The following EML4 variants were observed in gnomAD, a reference collection of about 807,000 sequenced individuals.
EML4 encodes echinoderm microtubule-associated protein-like 4.
Under a neutral mutation model 129.0 loss-of-function variants are expected in EML4, and 72 were observed. The observed-to-expected ratio is 0.56, with a 90% CI of 0.46 to 0.68. EML4 has a LOEUF of 0.68. Among genes scored for constraint, EML4 ranks in the 30% least tolerant of loss-of-function variants. The pLI is 0.00. For synonymous variants in EML4, 532 were observed against 405.0 expected, an observed-to-expected ratio of 1.31 and a Z score of -3.77; for missense variants, 1,363 against 1,190.6, an observed-to-expected ratio of 1.14 and a Z score of -2.13.
At chr2:42,213,734 A>G (rs993804620) in intron 1 of EML4, among the ~76,000 whole-genome samples, 1 of 152,232 alleles carries the variant, frequency 6.6e-6, no homozygotes, top group African/African-American at 2.4e-5. Flanking sequence ...GGAAAAAATA[A>G]TGGCAATAAT....
intron 1 of EML4, among the ~76,000 whole-genome samples, chr2:42,241,127 A>G (rs573976378): frequency 6.6e-6 from 1 of 152,252 alleles, no homozygotes; most frequent in South Asian, 2.1e-4. Flanking sequence ...ACTGCACTCC[A>G]GCCTGGTCGA....
intron 11 of EML4, among the ~76,000 whole-genome samples, chr2:42,294,155 T>C (rs1667814585): frequency 6.6e-6 from 1 of 152,236 alleles, no homozygotes; most frequent in African/African-American, 2.4e-5. Flanking sequence ...TATCCTCAAT[T>C]GAAATCATTT....
chr2:42,322,385 C>T (rs1400584638), intron 19 of EML4, among the ~76,000 whole-genome samples: 1 of 152,196 alleles, frequency 6.6e-6, no homozygotes, highest in African/African-American at 2.4e-5. Context: ...CAGAAAGTTC[C>T]ACTGAACAGC....
intron 3 of EML4, among the ~76,000 whole-genome samples, chr2:42,260,430 T>A (rs2104379302): frequency 6.6e-6 from 1 of 152,288 alleles, no homozygotes; most frequent in African/African-American, 2.4e-5. Flanking sequence ...CCTCCCAAAG[T>A]GCTTGGATTA....
At chr2:42,288,175 A>G in intron 10 of EML4, 52 bp from the exon 11 acceptor site, 2 of 760,436 alleles carry the variant, frequency 2.6e-6, no homozygotes, top group Non-Finnish European at 4.4e-6. Flanking sequence ...CTTTCTTAGA[A>G]TGTTAGCCCT....
At chr2:42,177,468 A>G (rs1018413688) in intron 1 of EML4, among the ~76,000 whole-genome samples, 1 of 151,994 alleles carries the variant, frequency 6.6e-6, no homozygotes, top group Non-Finnish European at 1.5e-5. Context: ...CAAAAGTACA[A>G]AAAAATTAGC....
intron 19 of EML4, among the ~76,000 whole-genome samples, chr2:42,321,592 A>C (rs189892780): frequency 1.5e-3 from 225 of 151,814 alleles, no homozygotes; most frequent in African/African-American, 5.3e-3. Flanking sequence ...ACAAAAGAGC[A>C]CTCCTTCCAC....
At chr2:42,205,413 A>G (rs1220595004) in intron 1 of EML4, among the ~76,000 whole-genome samples, 1 of 152,176 alleles carries the variant, frequency 6.6e-6, no homozygotes, top group Admixed American at 6.5e-5. Flanking sequence ...AAAGAGATAT[A>G]CTCTAAAAGT....
At chr2:42,249,514 G>T (rs1331398284) in intron 2 of EML4, among the ~76,000 whole-genome samples, 1 of 152,096 alleles carries the variant, frequency 6.6e-6, no homozygotes, top group Admixed American at 6.6e-5. Flanking sequence ...CTATTTTATG[G>T]TTTTGCTAGA....
At chr2:42,184,789 T>C (rs947747898) in intron 1 of EML4, among the ~76,000 whole-genome samples, 7 of 152,202 alleles carry the variant, frequency 4.6e-5, no homozygotes, top group South Asian at 2.1e-4. Flanking sequence ...ATTTGCCTTA[T>C]GTTCTTAAGT....
intron 1 of EML4, among the ~76,000 whole-genome samples, chr2:42,190,260 A>G (rs1017357599): frequency 6.6e-6 from 1 of 152,128 alleles, no homozygotes; most frequent in Non-Finnish European, 1.5e-5. Flanking sequence ...CTTCCCTCCC[A>G]TTCCCTCCTC....
In EML4 at chr2:42,257,402, A is replaced by G. The variant is rs557916213; in HGVS notation, c.338+772A>G. Among the ~76,000 whole-genome samples, 16 of 152,334 alleles carry G rather than the reference A, an allele frequency of 1.1e-4. No homozygotes were observed. The South Asian group carries it at 1.9e-3, about 18-fold the overall frequency. On this transcript the variant is annotated intron_variant, in intron 3 of 22. Coordinates refer to ENST00000318522, the MANE Select transcript of EML4 (RefSeq NM_019063.5). ...TTAAGTAATAAGATCATGTGTAACA[A>G]TGTACTGATGGAAAATGCTTACCTC...
At chr2:42,315,151 C>T (rs1387611608) in intron 17 of EML4, among the ~76,000 whole-genome samples, 1 of 152,152 alleles carries the variant, frequency 6.6e-6, no homozygotes, top group African/African-American at 2.4e-5. Context: ...AGCTGCTGTT[C>T]CTCCTGCCTA....
chr2:42,240,662 C>G (rs1218859996), intron 1 of EML4, among the ~76,000 whole-genome samples: 1 of 152,128 alleles, frequency 6.6e-6, no homozygotes, highest in East Asian at 1.9e-4. Context: ...GACTTCAGGT[C>G]ATTTCTAATT....
Position 42,330,824 on chromosome 2 carries a change from G to T in EML4, c.*617G>T, listed in dbSNP as rs1303934604. The T allele has an allele frequency of 4.8e-6, 1 of 210,286 alleles. No homozygotes were observed. Among genetic ancestry groups the T allele is most frequent in the Non-Finnish European group, 9.7e-6 (1 of 102,864 alleles). The allele number at this position is 210,286 out of a possible 1,614,324, so 13.0% of individuals were successfully genotyped here. On this transcript the variant is annotated 3_prime_UTR_variant, in exon 23 of 23. Coordinates refer to ENST00000318522, the MANE Select transcript of EML4 (RefSeq NM_019063.5). The stretch of plus-strand genomic sequence containing the variant: ...GACATGCTCTTAGTCTACTAGAGAG[G>T]TGCTGCCTTTTCTAAGTCATAATGA...
chr2:42,243,016 G>A (rs1032038700), intron 1 of EML4, among the ~76,000 whole-genome samples: 11 of 152,026 alleles, frequency 7.2e-5, no homozygotes, highest in African/African-American at 2.2e-4. Context: ...GGGATCAAGC[G>A]ATCCGCCCAC....
At chr2:42,317,670 TAGC>T (rs751754751) in intron 19 of EML4, 146 bp downstream of exon 19, 65 of 591,788 alleles carry the variant, frequency 1.1e-4, no homozygotes, top group Non-Finnish European at 1.7e-4. Flanking sequence ...TAATACATGA[TAGC>T]AGAACATCAG....
rs558323387 is a variant in EML4 at position 42,172,014 on chromosome 2, A to G, written c.25+2378A>G. ...TCTTTATTTTACCATCAGGAGAGCC[A>G]TGAATATAAAGGCAAGCACTTCTAC... is the stretch of plus-strand genomic sequence containing the variant. On this transcript the variant is annotated intron_variant, in intron 1 of 22. Coordinates refer to ENST00000318522, the MANE Select transcript of EML4 (RefSeq NM_019063.5). Among the ~76,000 whole-genome samples, 9 of 152,294 alleles carry G rather than the reference A, an allele frequency of 5.9e-5. No homozygotes were observed. In the South Asian group the frequency reaches 8.3e-4, roughly 14 times the overall value.
intron 6 of EML4, among the ~76,000 whole-genome samples, chr2:42,266,149 A>G (rs1250391325): frequency 6.6e-6 from 1 of 152,090 alleles, no homozygotes; most frequent in Admixed American, 6.5e-5. Flanking sequence ...CAAAAAGAAA[A>G]GAAAGAAATA....
Sources: gnomAD v4.1 joint callset for allele counts (sites outside exome capture counted in the v4.1 genomes callset) on GRCh38, gnomAD v4.1.1 for gene constraint, MANE v1.5 for transcripts, NCBI Gene and HGNC (gene_info 2026-07-23, HGNC 2026-07-21) for gene names.